WNK2: variants seen among roughly 807,000 people sequenced by gnomAD.
WNK2 encodes serine/threonine-protein kinase WNK2.
Under a neutral mutation model 192.1 loss-of-function variants are expected in WNK2, and 67 were observed. The ratio of observed to expected loss-of-function variants is 0.35; its 90% confidence interval spans 0.29 to 0.43. The LOEUF is 0.43. Among genes scored for constraint, WNK2 ranks in the 20% least tolerant of loss-of-function variants. The pLI is 1.00. For missense variants in WNK2, 2,698 were observed against 3,089.7 expected, an observed-to-expected ratio of 0.87 and a Z score of 3.01; for synonymous variants, 1,439 against 1,393.9, an observed-to-expected ratio of 1.03 and a Z score of -0.72.
At chr9:93,198,934 G>A (rs998122670) in intron 2 of WNK2, among the ~76,000 whole-genome samples, 1 of 152,118 alleles carries the variant, frequency 6.6e-6, no homozygotes, top group African/African-American at 2.4e-5. Context: ...GGGCCTCCTC[G>A]GGTGTGAGTC....
Position 93,238,334 on chromosome 9 carries a change from G to A in WNK2, c.1322+13G>A. ...ACAAGGAGGAAAGGTGAGTTCCCCT[G>A]AAGGGCTGGGTTCTGGGGTCCATCT... On this transcript the variant is annotated intron_variant, in intron 6 of 29. Coordinates refer to ENST00000427277, the MANE Select transcript of WNK2 (RefSeq NM_006648.4). The A allele has an allele frequency of 1.2e-6, 2 of 1,612,072 alleles. No individual in the cohort carries two copies. Among genetic ancestry groups the A allele is most frequent in the Non-Finnish European group, 1.7e-6 (2 of 1,178,152 alleles).
intron 21 of WNK2, among the ~76,000 whole-genome samples, chr9:93,290,376 A>G (rs1355591759): frequency 6.8e-6 from 1 of 146,024 alleles, no homozygotes; most frequent in East Asian, 2.0e-4. Flanking sequence ...AGTTATTGTT[A>G]GTGTATCTCA....
chr9:93,231,014 C>T lies in WNK2; in HGVS notation c.981C>T (p.Asp327=), dbSNP rs771555797. 1 of 1,613,946 alleles carries T rather than the reference C, an allele frequency of 6.2e-7. No individual in the cohort carries two copies. The highest frequency in any genetic ancestry group is 8.5e-7 in the Non-Finnish European group (1 of 1,179,862). Residue 327 remains aspartate (D), a synonymous_variant, in exon 4 of 30, where the codon GAC becomes GAT. Transcript: ENST00000427277. ...PPIIHRDLKC[D]NIFITGPTGS... ...TCATCCACCGAGACCTGAAATGTGA[C>T]AATATTTTCATCACCGGACCAACTG...
intron 5 of WNK2, among the ~76,000 whole-genome samples, chr9:93,236,256 C>T (rs941252045): frequency 3.3e-5 from 5 of 151,970 alleles, no homozygotes; most frequent in Non-Finnish European, 5.9e-5. Flanking sequence ...GGTGGTCTGT[C>T]CTGAAGCTGT....
intron 23 of WNK2, among the ~76,000 whole-genome samples, chr9:93,296,158 A>T (rs1042672787): frequency 2.3e-4 from 3 of 12,864 alleles, no homozygotes; most frequent in Non-Finnish European, 1.4e-4. Flanking sequence ...TCCCCTCACC[A>T]CCCTCCCCTC....
intron 2 of WNK2, among the ~76,000 whole-genome samples, chr9:93,199,146 G>A (rs36101213): frequency 0.19 from 29,000 of 152,132 alleles, 3,098 homozygotes; most frequent in African/African-American, 0.29. Context: ...TGTGGGGTGC[G>A]GCTTCTCAGC....
intron 28 of WNK2, chr9:93,317,012 T>C: frequency 5.7e-6 from 1 of 176,152 alleles, no homozygotes; most frequent in African/African-American, 2.4e-5. Flanking sequence ...AGCCTTGCCT[T>C]CCTGGGGCAC....
intron 2 of WNK2, among the ~76,000 whole-genome samples, chr9:93,226,950 T>C (rs142356437): frequency 7.1e-4 from 108 of 152,308 alleles, no homozygotes; most frequent in African/African-American, 2.5e-3. Context: ...TATGGACTTA[T>C]GTTTTCCTTC....
intron 23 of WNK2, among the ~76,000 whole-genome samples, chr9:93,296,004 C>T (rs1321470405): frequency 1.6e-4 from 21 of 127,802 alleles, no homozygotes; most frequent in Admixed American, 3.8e-4. Context: ...TTCCTTCCCT[C>T]TCCATTCTCC....
At chr9:93,298,634 G>A (rs1851036008) in intron 24 of WNK2, among the ~76,000 whole-genome samples, 1 of 152,186 alleles carries the variant, frequency 6.6e-6, no homozygotes, top group African/African-American at 2.4e-5. Context: ...AGCCCTGGCA[G>A]TCTGGGATGG....
chr9:93,295,453 A>T (rs976367952), intron 23 of WNK2, among the ~76,000 whole-genome samples: 3 of 152,116 alleles, frequency 2.0e-5, no homozygotes, highest in African/African-American at 7.2e-5. Flanking sequence ...AGTCATTAAA[A>T]AAAAACAAAA....
intron 7 of WNK2, among the ~76,000 whole-genome samples, chr9:93,245,741 G>A (rs184868613): frequency 2.0e-5 from 3 of 152,352 alleles, no homozygotes; most frequent in African/African-American, 7.2e-5. Flanking sequence ...CTGCTCCACA[G>A]ATGAACTGTC....
rs567980296 is a variant in WNK2 at position 93,305,088 on chromosome 9, G to A, written c.6215-1689G>A. Among the ~76,000 whole-genome samples, 5 of 152,342 alleles carry A rather than the reference G, an allele frequency of 3.3e-5. No homozygotes were observed. The South Asian group carries it at 1.0e-3, about 32-fold the overall frequency. The stretch of plus-strand genomic sequence containing the variant: ...GTGGTTCCCAGCCGGCAGCCGGCCT[G>A]TTTGATGGTGTTCTTCCCAGCATGG... On this transcript the variant is annotated intron_variant, in intron 26 of 29. Coordinates refer to ENST00000427277, the MANE Select transcript of WNK2 (RefSeq NM_006648.4).
chr9:93,208,411 G>A (rs180822972), intron 2 of WNK2, among the ~76,000 whole-genome samples: 1 of 152,344 alleles, frequency 6.6e-6, no homozygotes, highest in East Asian at 1.9e-4. Flanking sequence ...CTGCCATTTG[G>A]CTGGTTTCTC....
At chr9:93,214,707 C>CTG (rs1472730447) in intron 2 of WNK2, among the ~76,000 whole-genome samples, 2 of 121,798 alleles carry the variant, frequency 1.6e-5, no homozygotes, top group South Asian at 3.0e-4. Context: ...GCCCCCCCCC[C>CTG]CCCCGCCCTC....
In WNK2 at chr9:93,257,157, G is replaced by A; in HGVS notation, c.2382+18G>A. 6.3e-7 allele frequency: 1 copy of A among 1,598,048 alleles called. No homozygotes were observed. The highest frequency in any genetic ancestry group is 8.5e-7 in the Non-Finnish European group (1 of 1,176,592). ...CTCCGCAGGTAATTCTAGGTTGATG[G>A]CTGCCGTCAGTGGTGGCGCACGCTT... On this transcript the variant is annotated intron_variant, in intron 11 of 29. Coordinates refer to ENST00000427277, the MANE Select transcript of WNK2 (RefSeq NM_006648.4). This position sits in a 1 kb window ranked among gnomAD's most constrained non-coding sequence, Gnocchi z 4.7.
intron 23 of WNK2, among the ~76,000 whole-genome samples, chr9:93,295,881 CATCCTCAACTCACT>C: frequency 6.9e-6 from 1 of 145,712 alleles, no homozygotes; most frequent in African/African-American, 2.5e-5. Context: ...CTCCCCTCTC[CATCCTCAACTCACT>C]TTCCTCCTCT....
chr9:93,282,378 G>T (rs1847870239), intron 19 of WNK2, among the ~76,000 whole-genome samples: 1 of 151,258 alleles, frequency 6.6e-6, no homozygotes, highest in African/African-American at 2.4e-5. Context: ...AGAACACATA[G>T]AAATCTTTAG....
intron 2 of WNK2, among the ~76,000 whole-genome samples, chr9:93,215,405 C>T (rs535248915): frequency 6.6e-6 from 1 of 152,316 alleles, no homozygotes; most frequent in South Asian, 2.1e-4. Flanking sequence ...AGCCACTGCA[C>T]CTGGCCTTAT....
Sources: gnomAD v4.1 joint callset for allele counts (sites outside exome capture counted in the v4.1 genomes callset) on GRCh38, gnomAD v4.1.1 for gene constraint, Gnocchi (gnomAD v3.1) non-coding constraint, MANE v1.5 for transcripts, NCBI Gene and HGNC (gene_info 2026-07-23, HGNC 2026-07-21) for gene names.